TMEM192: variants seen among roughly 807,000 people sequenced by gnomAD.
TMEM192 encodes the protein transmembrane protein 192.
Under a neutral mutation model 26.7 loss-of-function variants are expected in TMEM192, and 20 were observed. That is an observed-to-expected ratio of 0.75 (90% CI 0.53 to 1.09). TMEM192 has a LOEUF of 1.09. Among genes scored for constraint, TMEM192 ranks in the 50% least tolerant of loss-of-function variants. The probability of loss-of-function intolerance (pLI) is 0.00; values close to 1 mark genes in which losing one functional copy is unlikely to be tolerated. For missense variants in TMEM192, 304 were observed against 322.6 expected (o/e 0.94, Z 0.44); for synonymous variants, 124 against 121.0 (o/e 1.02, Z -0.16).
At chr4:165,097,424 G>A (rs1290721440) in intron 3 of TMEM192, among the ~76,000 whole-genome samples, 2 of 150,896 alleles carry the variant, frequency 1.3e-5, no homozygotes, top group South Asian at 2.1e-4. Flanking sequence ...AACCCGGGAG[G>A]CGGAGCTTGC....
chr4:165,087,918 G>A (rs1331299276), intron 4 of TMEM192, among the ~76,000 whole-genome samples: 1 of 152,128 alleles, frequency 6.6e-6, no homozygotes, highest in African/African-American at 2.4e-5. Context: ...TTTTGTTGTT[G>A]TTGTTTTAGG....
At chr4:165,088,419 A>G (rs563161997) in intron 4 of TMEM192, 49 bp downstream of exon 4, 1 of 1,572,186 alleles carries the variant, frequency 6.4e-7, no homozygotes, top group African/African-American at 1.4e-5. Flanking sequence ...CTGGGAGGAA[A>G]GGAAGCAGTT....
intron 3 of TMEM192, among the ~76,000 whole-genome samples, chr4:165,096,970 T>TTA (rs397800519): frequency 4.6e-5 from 7 of 151,640 alleles, no homozygotes; most frequent in Non-Finnish European, 1.0e-4. Context: ...TCTTTTTTTT[T>TTA]AATCTTTGTG....
Position 165,112,837 on chromosome 4 carries a change from T to C in TMEM192, c.-64A>G, listed in dbSNP as rs1028360960. 7.6e-6 allele frequency: 12 copies of C among 1,576,308 alleles called. No individual in the cohort carries two copies. Among genetic ancestry groups the C allele is most frequent in the Middle Eastern group, 1.7e-4 (1 of 5,946 alleles). Reference sequence around the variant, plus strand: ...CTCTCCACCTGGACCTGTAAGCCTCTGGCCGCGAAACTCGCCACCTTCTGG... The same window carrying C: ...CTCTCCACCTGGACCTGTAAGCCTCCGGCCGCGAAACTCGCCACCTTCTGG... On this transcript the variant is annotated 5_prime_UTR_variant, in exon 1 of 6. Transcript: ENST00000306480.
chr4:165,092,846 A>G (rs1261341355), intron 3 of TMEM192, among the ~76,000 whole-genome samples: 1 of 152,026 alleles, frequency 6.6e-6, no homozygotes, highest in Non-Finnish European at 1.5e-5. Context: ...ACATAGCTAC[A>G]CTGAGCTATG....
At chr4:165,095,744 A>C (rs1734878823) in intron 3 of TMEM192, among the ~76,000 whole-genome samples, 1 of 152,124 alleles carries the variant, frequency 6.6e-6, no homozygotes, top group African/African-American at 2.4e-5. Flanking sequence ...CCAAATATGC[A>C]ACTTGGCTAT....
chr4:165,108,217 C>T (rs1025390035), intron 1 of TMEM192, among the ~76,000 whole-genome samples: 13 of 136,938 alleles, frequency 9.5e-5, no homozygotes, highest in African/African-American at 3.3e-4. Flanking sequence ...CTGCCTCCTG[C>T]GTTCACACCA....
chr4:165,107,792 G>A (rs17045967), intron 1 of TMEM192, among the ~76,000 whole-genome samples: 22,135 of 152,028 alleles, frequency 0.15, 3,343 homozygotes, highest in African/African-American at 0.39. Flanking sequence ...CCTTCTCTGC[G>A]GTGCCTTTTT....
intron 3 of TMEM192, among the ~76,000 whole-genome samples, chr4:165,092,426 G>A (rs1252093618): frequency 1.3e-5 from 2 of 152,048 alleles, no homozygotes; most frequent in East Asian, 3.9e-4. Context: ...CCGGCCCACA[G>A]TGCTGTCCTA....
intron 3 of TMEM192, among the ~76,000 whole-genome samples, chr4:165,089,037 C>T (rs1414750662): frequency 6.6e-5 from 3 of 45,214 alleles, no homozygotes; most frequent in Non-Finnish European, 1.1e-4. Context: ...CAAGACCCTA[C>T]TGCAAAAAAA....
chr4:165,108,112 C>T (rs1392770987), intron 1 of TMEM192, among the ~76,000 whole-genome samples: 6 of 91,198 alleles, frequency 6.6e-5, no homozygotes, highest in South Asian at 3.7e-4. Context: ...TCTGTATTCC[C>T]TTTTTTTTTT....
chr4:165,111,338 C>A (rs1475474041), intron 1 of TMEM192, among the ~76,000 whole-genome samples: 1 of 152,182 alleles, frequency 6.6e-6, no homozygotes, highest in Non-Finnish European at 1.5e-5. Flanking sequence ...AGGTTATCTG[C>A]CTGCCTCGGC....
At chr4:165,100,318 C>T (rs1735009304) in intron 3 of TMEM192, among the ~76,000 whole-genome samples, 1 of 151,992 alleles carries the variant, frequency 6.6e-6, no homozygotes, top group African/African-American at 2.4e-5. Flanking sequence ...CACCACCACG[C>T]CCAGCTAATT....
At chr4:165,089,170 G>A (rs762117599) in intron 3 of TMEM192, among the ~76,000 whole-genome samples, 10 of 151,884 alleles carry the variant, frequency 6.6e-5, no homozygotes, top group Non-Finnish European at 1.5e-4. Flanking sequence ...GATCTACTGG[G>A]AATAGACTGA....
intron 2 of TMEM192, among the ~76,000 whole-genome samples, 166 bp downstream of exon 2, chr4:165,102,784 C>CCT (rs768420095): frequency 7.6e-6 from 1 of 130,850 alleles, no homozygotes; most frequent in Non-Finnish European, 1.6e-5. Context: ...AGTGTACGTA[C>CCT]TTTTTTTTTT....
chr4:165,096,251 T>A (rs1316409255), intron 3 of TMEM192, among the ~76,000 whole-genome samples: 1 of 151,898 alleles, frequency 6.6e-6, no homozygotes, highest in Admixed American at 6.6e-5. Flanking sequence ...CTACTAAAAA[T>A]ATAAAAATTA....
chr4:165,081,409 A>C (rs1734516996), intron 5 of TMEM192, among the ~76,000 whole-genome samples: 1 of 146,234 alleles, frequency 6.8e-6, no homozygotes, highest in South Asian at 2.2e-4. Flanking sequence ...TTTGAGACGG[A>C]AACTTGCTCT....
At chr4:165,094,137 G>A (rs983833001) in intron 3 of TMEM192, among the ~76,000 whole-genome samples, 6 of 152,056 alleles carry the variant, frequency 3.9e-5, no homozygotes, top group Non-Finnish European at 8.8e-5. Context: ...CTGACCTCAG[G>A]TGATCTGCCC....
rs966834334 is a variant in TMEM192, at chr4:165,071,772, G to GGTGGA, written c.*7885_*7886insTCCAC. ...GGAGAGAGGAGGTGGGGTGGGGTGG[G>GGTGGA]AAGTGGAGATTTTCTAGGTCCCTGA... On this transcript the variant is annotated 3_prime_UTR_variant, in exon 6 of 6. Transcript: ENST00000306480. 3.9e-5 allele frequency: 6 copies of GGTGGA among 152,242 alleles called. No homozygotes were observed. The highest frequency in any genetic ancestry group is 1.2e-4 in the African/African-American group (5 of 41,354). The allele number at this position is 152,242 out of a possible 1,614,324, so 9.4% of individuals were successfully genotyped here. A position where few individuals can be genotyped will look rare whatever the true frequency, so the allele number is the denominator to read the frequency against.
Sources: gnomAD v4.1 joint callset for allele counts (sites outside exome capture counted in the v4.1 genomes callset) on GRCh38, gnomAD v4.1.1 for gene constraint, MANE v1.5 for transcripts, NCBI Gene and HGNC (gene_info 2026-07-23, HGNC 2026-07-21) for gene names.